The following ARHGEF28 variants were observed in gnomAD, a reference collection of about 807,000 sequenced individuals.
The protein encoded by ARHGEF28 is Rho guanine nucleotide exchange factor 28.
In ARHGEF28, 152 loss-of-function variants were observed where a neutral mutation model predicts 206.6. The observed-to-expected ratio is 0.74, with a 90% confidence interval of 0.64 to 0.84. ARHGEF28 has a LOEUF of 0.84. ARHGEF28 is among the 40% of genes least tolerant of loss of function. ARHGEF28 has a pLI of 0.00. For synonymous variants in ARHGEF28, 763 were observed against 776.4 expected (o/e 0.98, Z 0.29); for missense variants, 2,028 against 2,073.2 (o/e 0.98, Z 0.42).
chr5:73,833,838 CA>C (rs1757445150), intron 10 of ARHGEF28, among the ~76,000 whole-genome samples: 1 of 152,040 alleles, frequency 6.6e-6, no homozygotes, highest in Non-Finnish European at 1.5e-5. Flanking sequence ...CTTATAAAAC[CA>C]TCAAATCTCG....
intron 35 of ARHGEF28, among the ~76,000 whole-genome samples, chr5:73,921,868 T>G (rs1283272020): frequency 6.6e-6 from 1 of 152,244 alleles, no homozygotes; most frequent in Admixed American, 6.5e-5. Context: ...TTTTATTTAA[T>G]GACCTGCTTC....
intron 13 of ARHGEF28, among the ~76,000 whole-genome samples, chr5:73,851,724 C>G (rs1758717538): frequency 6.6e-6 from 1 of 152,120 alleles, no homozygotes; most frequent in Admixed American, 6.5e-5. Flanking sequence ...ATAGTGAGTT[C>G]TGCCTATGAC....
At chr5:73,864,179 AGTGTCT>A (rs1488191802) in intron 16 of ARHGEF28, among the ~76,000 whole-genome samples, 2 of 152,206 alleles carry the variant, frequency 1.3e-5, no homozygotes, top group African/African-American at 4.8e-5. Context: ...GGACAGCCTC[AGTGTCT>A]GTGTTCATGG....
At chr5:73,785,320 G>A (rs960882835) in intron 7 of ARHGEF28, among the ~76,000 whole-genome samples, 5 of 151,746 alleles carry the variant, frequency 3.3e-5, no homozygotes, top group Non-Finnish European at 7.4e-5. Context: ...TCCTTTTTTC[G>A]CAGTTCTCAA....
At position 73,909,892 on chromosome 5, in the gene ARHGEF28, C is replaced by T. The variant is rs17634865; in HGVS notation, c.4642C>T (p.Pro1548Ser). The T allele has an allele frequency of 0.037, 56,259 of 1,506,738 alleles. 1,179 individuals are homozygous for T. Among genetic ancestry groups the T allele is most frequent in the South Asian group, 0.059 (4,431 of 74,920 alleles). 93.3% of individuals were successfully genotyped at this position (1,506,738 alleles called of 1,614,324 possible). ...SLPAVLLPGGPEVMELNRSES... is the reference protein window; with the variant it reads ...SLPAVLLPGGSEVMELNRSES... ...GCCCGCGGTGCTCCTTCCGGGTGGC[C>T]CCGAGGTATGGACCTTCTGCGGTGC... The change falls in exon 34 of 36, where the codon CCC becomes TCC. Residue 1548 changes from proline to serine, a missense_variant. Pro to Ser is a moderately conservative substitution (Grantham distance 74). Around this residue, in one of 3 missense-constraint regions of ARHGEF28, gnomAD observed 803 missense variants for 768.0 expected, o/e 1.05. Transcript: ENST00000513042.
chr5:73,799,917 C>T (rs1032015594), intron 9 of ARHGEF28, among the ~76,000 whole-genome samples: 2 of 152,172 alleles, frequency 1.3e-5, no homozygotes, highest in African/African-American at 4.8e-5. Context: ...CTCATCTACT[C>T]TTCCAGGTCT....
intron 1 of ARHGEF28, among the ~76,000 whole-genome samples, chr5:73,652,593 A>G (rs1221728245): frequency 3.3e-5 from 5 of 152,222 alleles, no homozygotes; most frequent in Admixed American, 2.6e-4. Flanking sequence ...GAGTCTTTGT[A>G]GGTTTATGAG....
At chr5:73,889,812 C>T (rs1761520071) in intron 26 of ARHGEF28, among the ~76,000 whole-genome samples, 1 of 152,224 alleles carries the variant, frequency 6.6e-6, no homozygotes, top group Admixed American at 6.5e-5. Flanking sequence ...AAAAGTGAGT[C>T]TGTGCCCTGT....
At chr5:73,833,190 GGGTA>G (rs1757408609) in intron 10 of ARHGEF28, among the ~76,000 whole-genome samples, 1 of 152,164 alleles carries the variant, frequency 6.6e-6, no homozygotes, top group African/African-American at 2.4e-5. Context: ...GGATTTTCAA[GGGTA>G]GTTTTGATGA....
At chr5:73,770,470 T>A (rs1410768954) in intron 4 of ARHGEF28, among the ~76,000 whole-genome samples, 1 of 152,224 alleles carries the variant, frequency 6.6e-6, no homozygotes, top group African/African-American at 2.4e-5. Flanking sequence ...TATTAGTAAT[T>A]CTGCATTGGT....
chr5:73,864,858 C>T lies in ARHGEF28; in HGVS notation c.2089C>T (p.Pro697Ser), dbSNP rs1160765804. The stretch of plus-strand genomic sequence containing the variant: ...GCACAAAGGTTGTAAAGATGCTGCG[C>T]CTGCATGCACCAAGGTAATTGCTCA... Reference protein sequence around the residue: ...NVHKGCKDAAPACTKKFQEKY... With the variant: ...NVHKGCKDAASACTKKFQEKY... The change falls in exon 17 of 36, where the codon CCT (proline) becomes TCT (serine). Residue 697 changes from proline to serine, a missense_variant. Around this residue, in one of 3 missense-constraint regions of ARHGEF28, gnomAD observed 1,002 missense variants for 1,015.3 expected, o/e 0.99. Coordinates refer to ENST00000513042, the MANE Select transcript of ARHGEF28 (RefSeq NM_001177693.2). The T allele has an allele frequency of 2.5e-6, 4 of 1,613,058 alleles. No individual in the cohort carries two copies. In the African/African-American group the frequency reaches 4.0e-5, roughly 16 times the overall value.
chr5:73,872,883 C>A, intron 21 of ARHGEF28, 116 bp from the exon 22 acceptor site: 1 of 1,198,516 alleles, frequency 8.3e-7, no homozygotes, highest in Non-Finnish European at 1.1e-6. Context: ...TCTTGATATT[C>A]CTAAACATTT....
chr5:73,775,865 A>G (rs1753511445), intron 5 of ARHGEF28, among the ~76,000 whole-genome samples: 1 of 98,930 alleles, frequency 1.0e-5, no homozygotes, highest in South Asian at 3.1e-4. Flanking sequence ...ATAACAGAAA[A>G]TAAGTGTATA....
Position 73,671,015 on chromosome 5 carries a change from G to T in ARHGEF28, c.-11-13826G>T, listed in dbSNP as rs553874997. ...AGCCTTTTTTTTTCAGGTCTAACGG[G>T]CCCTTGAGAATCCGATGAAAACTGT... On this transcript the variant is annotated intron_variant, in intron 1 of 35. Transcript: ENST00000513042. Among the ~76,000 whole-genome samples the T allele has an allele frequency of 5.9e-5, 9 of 152,160 alleles. No homozygotes were observed. The South Asian group carries it at 1.9e-3, about 32-fold the overall frequency.
At chr5:73,736,605 C>T (rs1750951432) in intron 2 of ARHGEF28, among the ~76,000 whole-genome samples, 1 of 152,038 alleles carries the variant, frequency 6.6e-6, no homozygotes, top group Admixed American at 6.6e-5. Flanking sequence ...CCTAAGCAAC[C>T]ACAATTAATA....
Position 73,904,382 on chromosome 5 carries a change from A to G in ARHGEF28, c.4138A>G (p.Thr1380Ala), listed in dbSNP as rs757425530. ...GATTATACAAGCCATACAGAATTTAACCCGTCTCTTATACAGCCTTCAGGT... is the reference window on the plus strand; with the variant it reads ...GATTATACAAGCCATACAGAATTTAGCCCGTCTCTTATACAGCCTTCAGGT... ...SEIIQAIQNL[T>A]RLLYSLQAAL... The change falls in exon 33 of 36, where the codon ACC becomes GCC. Residue 1380 changes from threonine (T) to alanine (A), a missense_variant. Around this residue, in one of 3 missense-constraint regions of ARHGEF28, gnomAD observed 803 missense variants for 768.0 expected, o/e 1.05. Coordinates refer to ENST00000513042, the MANE Select transcript of ARHGEF28 (RefSeq NM_001177693.2). 44 of 1,612,620 alleles carry G rather than the reference A, an allele frequency of 2.7e-5. 1 individual carries two copies. In the South Asian group the frequency reaches 4.6e-4, roughly 17 times the overall value.
intron 21 of ARHGEF28, among the ~76,000 whole-genome samples, chr5:73,872,376 A>G (rs1237633540): frequency 1.3e-5 from 2 of 152,162 alleles, no homozygotes; most frequent in African/African-American, 2.4e-5. Context: ...TTAAAAATAT[A>G]CTAGATACAA....
At position 73,905,245 on chromosome 5, in the gene ARHGEF28, G is replaced by T. The variant is rs191559770; in HGVS notation, c.4161+840G>T. 70 of 151,570 alleles carry T rather than the reference G, an allele frequency of 4.6e-4. 1 individual carries two copies. Among genetic ancestry groups the T allele is most frequent in the Admixed American group, 4.3e-3 (65 of 15,222 alleles). The allele number at this position is 151,570 out of a possible 1,614,324, so 9.4% of individuals were successfully genotyped here. On this transcript the variant is annotated intron_variant, in intron 33 of 35. Coordinates refer to ENST00000513042, the MANE Select transcript of ARHGEF28 (RefSeq NM_001177693.2). ...CCCTCCTTATGAGAATCTAATGCTT[G>T]ATGATCTGAGGTGGTACGCTTTCAT...
At chr5:73,936,521 G>C (rs1364273455) in intron 35 of ARHGEF28, among the ~76,000 whole-genome samples, 1 of 152,068 alleles carries the variant, frequency 6.6e-6, no homozygotes, top group South Asian at 2.1e-4. Flanking sequence ...AATATTATTT[G>C]GTGAATCACT....
Sources: gnomAD v4.1 joint callset for allele counts (sites outside exome capture counted in the v4.1 genomes callset) on GRCh38, gnomAD v4.1.1 for gene constraint, gnomAD v4.1.1 regional missense constraint, MANE v1.5 for transcripts, NCBI Gene and HGNC (gene_info 2026-07-23, HGNC 2026-07-21) for gene names.